Variants in PPP2R3A observed in about 807,000 individuals in gnomAD.
The protein encoded by PPP2R3A is protein phosphatase 2 regulatory subunit B''alpha, also known as serine/threonine-protein phosphatase 2A regulatory subunit B'' subunit alpha.
In PPP2R3A, 80 loss-of-function variants were observed where a neutral mutation model predicts 106.9. That is an observed-to-expected ratio of 0.75 (90% CI 0.62 to 0.90). PPP2R3A has a LOEUF of 0.90. PPP2R3A is among the 40% of genes least tolerant of loss of function. The probability of loss-of-function intolerance (pLI) is 0.00; values close to 1 mark genes in which losing one functional copy is unlikely to be tolerated. For missense variants in PPP2R3A, 1,386 were observed against 1,350.4 expected, an observed-to-expected ratio of 1.03 and a Z score of -0.41; for synonymous variants, 483 against 468.3, an observed-to-expected ratio of 1.03 and a Z score of -0.41.
intron 5 of PPP2R3A, among the ~76,000 whole-genome samples, chr3:136,059,070 T>A (rs1483080630): frequency 6.6e-6 from 1 of 152,086 alleles, no homozygotes; most frequent in Non-Finnish European, 1.5e-5. Flanking sequence ...ATTCAGGACG[T>A]AGGCACAGGC....
intron 8 of PPP2R3A, among the ~76,000 whole-genome samples, chr3:136,082,851 C>A (rs1309350715): frequency 6.6e-6 from 1 of 152,142 alleles, no homozygotes; most frequent in Admixed American, 6.5e-5. Flanking sequence ...CAAGGACTCA[C>A]AAAAATTTAC....
At chr3:136,144,801 G>A (rs1259579400) in intron 13 of PPP2R3A, among the ~76,000 whole-genome samples, 1 of 152,188 alleles carries the variant, frequency 6.6e-6, no homozygotes, top group Non-Finnish European at 1.5e-5. Context: ...CCTAGGGAAA[G>A]CTTGATACGG....
At chr3:136,081,843 A>G (rs1414089414) in intron 7 of PPP2R3A, among the ~76,000 whole-genome samples, 1 of 152,216 alleles carries the variant, frequency 6.6e-6, no homozygotes, top group Non-Finnish European at 1.5e-5. Flanking sequence ...ACTTAATTTT[A>G]TTACAAAATG....
chr3:136,100,452 A>G (rs1937331441), intron 10 of PPP2R3A, among the ~76,000 whole-genome samples: 1 of 151,998 alleles, frequency 6.6e-6, no homozygotes, highest in Non-Finnish European at 1.5e-5. Flanking sequence ...AGGCGGGCAG[A>G]TCACCTGAGG....
At chr3:136,004,205 CT>C (rs1276561056) in intron 2 of PPP2R3A, among the ~76,000 whole-genome samples, 1 of 152,198 alleles carries the variant, frequency 6.6e-6, no homozygotes, top group Non-Finnish European at 1.5e-5. Context: ...GAAAGCACTG[CT>C]TTTGAATACT....
chr3:136,028,685 T>C (rs1400428799), intron 3 of PPP2R3A, among the ~76,000 whole-genome samples: 3 of 152,268 alleles, frequency 2.0e-5, no homozygotes. Flanking sequence ...GCTATTGCGT[T>C]AGATGACAGA....
chr3:136,053,362 A>G (rs985479482), intron 5 of PPP2R3A, among the ~76,000 whole-genome samples: 1 of 151,944 alleles, frequency 6.6e-6, no homozygotes, highest in Non-Finnish European at 1.5e-5. Flanking sequence ...ATATGGATCA[A>G]AAAAAAAGAA....
At chr3:136,115,713 A>G (rs959657011) in intron 13 of PPP2R3A, among the ~76,000 whole-genome samples, 2 of 152,012 alleles carry the variant, frequency 1.3e-5, no homozygotes, top group African/African-American at 4.8e-5. Context: ...ATGAAAAGGA[A>G]CGAACAAAGT....
intron 13 of PPP2R3A, among the ~76,000 whole-genome samples, chr3:136,136,455 A>G (rs1938627248): frequency 6.6e-6 from 1 of 152,190 alleles, no homozygotes; most frequent in Non-Finnish European, 1.5e-5. Flanking sequence ...GACACAGTAA[A>G]TATCTGTTGC....
chr3:136,057,998 C>T (rs1335272147), intron 5 of PPP2R3A, among the ~76,000 whole-genome samples: 6 of 152,126 alleles, frequency 3.9e-5, no homozygotes. Flanking sequence ...ATCTACACTG[C>T]CAGGTTCATT....
intron 4 of PPP2R3A, among the ~76,000 whole-genome samples, chr3:136,044,556 A>AT (rs962284942): frequency 1.4e-5 from 2 of 142,408 alleles, no homozygotes; most frequent in Non-Finnish European, 3.0e-5. Context: ...TGACAACAGA[A>AT]TGAGACCCTG....
chr3:136,091,378 G>A (rs545439431), intron 10 of PPP2R3A, among the ~76,000 whole-genome samples: 1 of 152,294 alleles, frequency 6.6e-6, no homozygotes, highest in East Asian at 1.9e-4. Context: ...ACTTTGGGAA[G>A]CCAAGGCAGG....
At chr3:136,063,059 G>C (rs1311684406) in intron 5 of PPP2R3A, among the ~76,000 whole-genome samples, 1 of 152,272 alleles carries the variant, frequency 6.6e-6, no homozygotes, top group South Asian at 2.1e-4. Context: ...CATGGTGCTG[G>C]TACCAAAACA....
At chr3:135,996,675 A>G (rs1343731561) in intron 1 of PPP2R3A, among the ~76,000 whole-genome samples, 1 of 152,198 alleles carries the variant, frequency 6.6e-6, no homozygotes, top group East Asian at 1.9e-4. Context: ...CTTCACGAGA[A>G]GCCCTAGATC....
intron 13 of PPP2R3A, among the ~76,000 whole-genome samples, chr3:136,107,431 C>CTTTTT (rs11324496): frequency 9.8e-5 from 7 of 71,426 alleles, no homozygotes; most frequent in Admixed American, 2.0e-4. Flanking sequence ...TACATGAATT[C>CTTTTT]TTTTTTTTTT....
At chr3:136,084,147 A>T (rs1936861104) in intron 8 of PPP2R3A, among the ~76,000 whole-genome samples, 1 of 152,214 alleles carries the variant, frequency 6.6e-6, no homozygotes, top group Admixed American at 6.5e-5. Flanking sequence ...AGCCCCTCCC[A>T]TCACAGGCCT....
At chr3:136,035,215 A>G (rs1935045536) in intron 3 of PPP2R3A, among the ~76,000 whole-genome samples, 1 of 152,184 alleles carries the variant, frequency 6.6e-6, no homozygotes, top group Non-Finnish European at 1.5e-5. Flanking sequence ...TTTACATTCA[A>G]CATTAGTAGT....
intron 3 of PPP2R3A, among the ~76,000 whole-genome samples, chr3:136,031,790 C>T (rs1365335118): frequency 6.6e-6 from 1 of 152,120 alleles, no homozygotes; most frequent in Non-Finnish European, 1.5e-5. Context: ...TTTTTGTTTA[C>T]CTTGTCAAAG....
Position 135,979,170 on chromosome 3 carries a change from G to A in PPP2R3A, c.-441+13321G>A, listed in dbSNP as rs141943313. ...GAGGCAGGTGGATCACCTGAGGTTA[G>A]GAGTTCAAGACCAGCCTGGCCAACA... is the stretch of plus-strand genomic sequence containing the variant. On this transcript the variant is annotated intron_variant, in intron 1 of 13. Coordinates refer to ENST00000264977, the MANE Select transcript of PPP2R3A (RefSeq NM_002718.5). 5.1e-3 allele frequency among the ~76,000 whole-genome samples: 769 copies of A among 151,734 alleles called. 30 individuals carry two copies. The highest frequency in any genetic ancestry group is 0.018 in the African/African-American group (736 of 41,082).
Sources: allele counts gnomAD v4.1 joint callset (sites outside exome capture counted in the v4.1 genomes callset), GRCh38; gene constraint gnomAD v4.1.1; transcripts MANE v1.5; gene names NCBI Gene and HGNC (gene_info 2026-07-23, HGNC 2026-07-21).